Variants in PLEKHD1 observed in about 807,000 individuals in gnomAD.
The protein encoded by PLEKHD1 is pleckstrin homology and coiled-coil domain containing D1.
In PLEKHD1, 51 loss-of-function variants were observed where a neutral mutation model predicts 69.2. That is an observed-to-expected ratio of 0.74 (90% CI 0.59 to 0.93). The LOEUF (loss-of-function observed/expected upper bound fraction) is 0.93. Ranked by LOEUF, PLEKHD1 falls within the 40% of genes least tolerant of loss-of-function variation. PLEKHD1 has a pLI of 0.00. For synonymous variants in PLEKHD1, 236 were observed against 244.7 expected (o/e 0.96, Z 0.33); for missense variants, 584 against 641.0 (o/e 0.91, Z 0.96).
intron 1 of PLEKHD1, among the ~76,000 whole-genome samples, chr14:69,490,395 G>A (rs932536951): frequency 6.6e-5 from 10 of 152,204 alleles, no homozygotes; most frequent in South Asian, 2.1e-4. Context: ...GAGCTCAGGC[G>A]GTAATGCCAG....
the PLEKHD1 span, among the ~76,000 whole-genome samples, chr14:69,479,323 G>A: frequency 6.6e-6 from 1 of 152,166 alleles, no homozygotes; most frequent in African/African-American, 2.4e-5. Flanking sequence ...CAGTGTTAGA[G>A]CCAAAGTCAG....
In PLEKHD1 at chr14:69,508,558, G is replaced by A. The variant is rs905548816; in HGVS notation, c.555+5679G>A. On this transcript the variant is annotated intron_variant, in intron 6 of 12. Coordinates refer to ENST00000322564, the MANE Select transcript of PLEKHD1 (RefSeq NM_001161498.2). ...GCCTCCCAAGTAGCTGGGACTACAG[G>A]CATGCACCACCATGCACGGCTAATT... Among the ~76,000 whole-genome samples, 8 of 152,330 alleles carry A rather than the reference G, an allele frequency of 5.3e-5. No individual in the cohort carries two copies. The South Asian group carries it at 1.5e-3, about 28-fold the overall frequency.
upstream of PLEKHD1, among the ~76,000 whole-genome samples, chr14:69,481,223 T>C (rs1403302869): frequency 1.3e-5 from 2 of 152,168 alleles, no homozygotes; most frequent in African/African-American, 4.8e-5. Flanking sequence ...CTCAGGAGGC[T>C]GAGATGGGAG....
chr14:69,525,150 T>C (rs1209442828), intron 8 of PLEKHD1, among the ~76,000 whole-genome samples: 1 of 152,156 alleles, frequency 6.6e-6, no homozygotes, highest in African/African-American at 2.4e-5. Flanking sequence ...TTATGGGACT[T>C]AACATGCTAG....
intron 6 of PLEKHD1, among the ~76,000 whole-genome samples, chr14:69,508,397 C>T (rs1429313728): frequency 6.6e-6 from 1 of 150,794 alleles, no homozygotes; most frequent in Non-Finnish European, 1.5e-5. Context: ...CAGAGCAAGA[C>T]TCCATCTCAA....
chr14:69,470,018 T>C, the PLEKHD1 span, among the ~76,000 whole-genome samples: 1 of 151,404 alleles, frequency 6.6e-6, no homozygotes, highest in African/African-American at 2.4e-5. Flanking sequence ...CACCGTGCCC[T>C]GCCAAGTTGT....
At position 69,491,000 on chromosome 14, in the gene PLEKHD1, A is replaced by C. The variant is rs1882766673; in HGVS notation, c.149+5886A>C. 2.0e-5 allele frequency among the ~76,000 whole-genome samples: 3 copies of C among 152,182 alleles called. No individual in the cohort carries two copies. In the South Asian group the frequency reaches 6.2e-4, roughly 31 times the overall value. ...TAACTCATGTGTAACTCACACATCCACTAGGCTCTTGCTGCTCTCTTGAGA... is the reference window on the plus strand; with the variant it reads ...TAACTCATGTGTAACTCACACATCCCCTAGGCTCTTGCTGCTCTCTTGAGA... On this transcript the variant is annotated intron_variant, in intron 1 of 12. Coordinates refer to ENST00000322564, the MANE Select transcript of PLEKHD1 (RefSeq NM_001161498.2).
chr14:69,470,465 AAACT>A, the PLEKHD1 span, among the ~76,000 whole-genome samples: 3 of 151,898 alleles, frequency 2.0e-5, no homozygotes, highest in Non-Finnish European at 2.9e-5. Flanking sequence ...AAAAAAAAAA[AAACT>A]AGTAAATGGC....
In PLEKHD1 at chr14:69,500,810, G is replaced by A. The variant is rs370579974; in HGVS notation, c.334-61G>A. On this transcript the variant is annotated intron_variant, in intron 3 of 12. Coordinates refer to ENST00000322564, the MANE Select transcript of PLEKHD1 (RefSeq NM_001161498.2). ...GGGGTGGGTGACAGGGCAGAGCTGG[G>A]CCTCCATCACCCTCAGCGTGGCTGC... The A allele has an allele frequency of 9.2e-5, 142 of 1,540,470 alleles. No homozygotes were observed. In the East Asian group the frequency reaches 2.1e-3, roughly 23 times the overall value.
intron 1 of PLEKHD1, among the ~76,000 whole-genome samples, chr14:69,497,004 T>C (rs1882904421): frequency 6.6e-6 from 1 of 152,116 alleles, no homozygotes; most frequent in African/African-American, 2.4e-5. Context: ...GGAGACATAT[T>C]GAGTCCATAG....
the PLEKHD1 span, among the ~76,000 whole-genome samples, chr14:69,475,746 C>CACA: frequency 8.6e-3 from 1,308 of 152,288 alleles, 26 homozygotes; most frequent in African/African-American, 0.03. Context: ...TCTTCTGTGC[C>CACA]CACACACCCT....
intron 8 of PLEKHD1, 90 bp from the exon 9 acceptor site, chr14:69,525,854 G>A (rs1883632303): frequency 3.2e-6 from 4 of 1,242,296 alleles, no homozygotes; most frequent in African/African-American, 3.1e-5. Flanking sequence ...AGAGGAGTGG[G>A]TCACTCCCCC....
Position 69,484,859 on chromosome 14 carries a change from T to G in PLEKHD1, c.-107T>G. On this transcript the variant is annotated 5_prime_UTR_variant, in exon 1 of 13. Transcript: ENST00000322564. The stretch of plus-strand genomic sequence containing the variant: ...TCCGGGCCGGGCCGCTCTGCTTCTC[T>G]GCTCGCTGGGACGCTCTCCGACGGC... 7.4e-7 allele frequency: 1 copy of G among 1,352,026 alleles called. No individual in the cohort carries two copies. The highest frequency in any genetic ancestry group is 2.5e-5 in the East Asian group (1 of 39,522). 83.8% of individuals were successfully genotyped at this position (1,352,026 alleles called of 1,614,324 possible). A position where few individuals can be genotyped will look rare whatever the true frequency, so the allele number is the denominator to read the frequency against.
At position 69,500,122 on chromosome 14, in the gene PLEKHD1, A is replaced by G; in HGVS notation, c.157A>G (p.Ile53Val). The G allele has an allele frequency of 6.5e-7, 1 of 1,548,562 alleles. No individual in the cohort carries two copies. The highest frequency in any genetic ancestry group is 8.7e-7 in the Non-Finnish European group (1 of 1,144,296). Residue 53 changes from isoleucine to valine, a missense_variant, in exon 2 of 13, where the codon ATC becomes GTC. By Grantham distance (29) the Ile-to-Val change is conservative (BLOSUM62 3). Transcript: ENST00000322564. ...PSAKWSRRFFIIKESFLLYYS... is the reference protein window; with the variant it reads ...PSAKWSRRFFVIKESFLLYYS... ...CCCCACCGCCCACTATAGGTTTTTCATCATCAAAGAGAGCTTTCTGCTTTA... is the reference window on the plus strand; with the variant it reads ...CCCCACCGCCCACTATAGGTTTTTCGTCATCAAAGAGAGCTTTCTGCTTTA...
intron 6 of PLEKHD1, among the ~76,000 whole-genome samples, chr14:69,511,130 TTTTC>T (rs1356025744): frequency 4.9e-4 from 74 of 151,934 alleles, no homozygotes; most frequent in Non-Finnish European, 3.5e-4. Flanking sequence ...TTGGATTTGG[TTTTC>T]TTTGTTTTGT....
intron 6 of PLEKHD1, among the ~76,000 whole-genome samples, chr14:69,519,991 C>T (rs1381452012): frequency 6.6e-6 from 1 of 151,346 alleles, no homozygotes; most frequent in African/African-American, 2.4e-5. Context: ...GTAGAACCCC[C>T]GCTGAACTCT....
intron 2 of PLEKHD1, 81 bp downstream of exon 2, chr14:69,500,289 C>T: frequency 8.4e-7 from 1 of 1,186,112 alleles, no homozygotes; most frequent in Non-Finnish European, 1.2e-6. Flanking sequence ...GGGGAGGGGA[C>T]TGCGCTCTTG....
upstream of PLEKHD1, among the ~76,000 whole-genome samples, chr14:69,480,883 C>T (rs1594968629): frequency 6.6e-6 from 1 of 152,180 alleles, no homozygotes; most frequent in African/African-American, 2.4e-5. Context: ...AAACTCCTGA[C>T]CTGAAGTGAT....
intron 1 of PLEKHD1, among the ~76,000 whole-genome samples, chr14:69,492,233 T>C (rs1882792652): frequency 6.6e-6 from 1 of 152,222 alleles, no homozygotes; most frequent in South Asian, 2.1e-4. Context: ...GCCTATGCTG[T>C]TCCCTCTGTC....
Sources: allele counts gnomAD v4.1 joint callset (sites outside exome capture counted in the v4.1 genomes callset), GRCh38; gene constraint gnomAD v4.1.1; transcripts MANE v1.5; gene names NCBI Gene and HGNC (gene_info 2026-07-23, HGNC 2026-07-21).